The following METTL15 variants were observed in gnomAD, a reference collection of about 807,000 sequenced individuals.
METTL15 encodes 12S rRNA N(4)-cytidine methyltransferase METTL15.
METTL15 carries 34 observed loss-of-function variants against 38.3 expected under a neutral mutation model. The observed-to-expected ratio is 0.89, with a 90% confidence interval of 0.68 to 1.18. The LOEUF is 1.18. METTL15 is among the 50% of genes most tolerant of loss of function. The pLI is 0.00. For synonymous variants in METTL15, 162 were observed against 170.9 expected, an observed-to-expected ratio of 0.95 and a Z score of 0.41; for missense variants, 438 against 498.4, an observed-to-expected ratio of 0.88 and a Z score of 1.15.
intron 3 of METTL15, among the ~76,000 whole-genome samples, chr11:28,135,290 A>G (rs1424194235): frequency 1.3e-5 from 2 of 152,188 alleles, no homozygotes; most frequent in African/African-American, 2.4e-5. Flanking sequence ...TATTTTTCAC[A>G]TAGGCTTCTA....
Position 28,117,287 on chromosome 11 carries a change from A to G in METTL15, c.270+3683A>G, listed in dbSNP as rs113008700. 5.1e-3 allele frequency among the ~76,000 whole-genome samples: 728 copies of G among 141,650 alleles called. 18 individuals are homozygous for G. The East Asian group carries it at 0.059, about 11-fold the overall frequency. 92.9% of individuals were successfully genotyped at this position (141,650 alleles called of 152,430 possible). On this transcript the variant is annotated intron_variant, in intron 3 of 6. Coordinates refer to ENST00000407364, the MANE Select transcript of METTL15 (RefSeq NM_001113528.2). ...TATATATATATATATATATATATAT[A>G]TATATATATATATGAAAGGATAGGG...
At chr11:28,488,421 G>C (rs1217347209) in intron 6 of METTL15, among the ~76,000 whole-genome samples, 4 of 151,994 alleles carry the variant, frequency 2.6e-5, no homozygotes, top group Non-Finnish European at 5.9e-5. Context: ...AGAGTGTTGT[G>C]CTGTTTCCTG....
At chr11:28,350,132 G>C (rs1850028856) in intron 3 of METTL15, among the ~76,000 whole-genome samples, 1 of 152,030 alleles carries the variant, frequency 6.6e-6, no homozygotes. Context: ...TATATGCTAT[G>C]TGCTCTAGGG....
intron 6 of METTL15, among the ~76,000 whole-genome samples, chr11:28,301,735 A>T (rs1309015224): frequency 1.3e-5 from 2 of 152,136 alleles, no homozygotes; most frequent in Non-Finnish European, 2.9e-5. Context: ...CTATAGAAAA[A>T]TGTTAAATAA....
At chr11:28,262,626 C>G (rs1171717571) in intron 4 of METTL15, among the ~76,000 whole-genome samples, 3 of 152,022 alleles carry the variant, frequency 2.0e-5, no homozygotes, top group African/African-American at 7.2e-5. Flanking sequence ...TTCTCACTTT[C>G]TAGGTTAATC....
At chr11:28,393,688 G>A (rs1850536369) in intron 5 of METTL15, among the ~76,000 whole-genome samples, 1 of 152,078 alleles carries the variant, frequency 6.6e-6, no homozygotes. Flanking sequence ...CAAGGCAGAA[G>A]CCATAATGCC....
chr11:28,197,774 A>G (rs928823449), intron 3 of METTL15, among the ~76,000 whole-genome samples: 6 of 152,106 alleles, frequency 3.9e-5, no homozygotes, highest in Non-Finnish European at 8.8e-5. Context: ...GTATGTATTG[A>G]TCTGCTTTGA....
At chr11:28,202,804 C>T (rs990679762) in intron 3 of METTL15, among the ~76,000 whole-genome samples, 4 of 152,020 alleles carry the variant, frequency 2.6e-5, no homozygotes, top group Non-Finnish European at 5.9e-5. Context: ...TGTTTCCAAA[C>T]TAAGATGGGA....
At chr11:28,221,672 A>G (rs937499605) in intron 4 of METTL15, among the ~76,000 whole-genome samples, 2 of 151,836 alleles carry the variant, frequency 1.3e-5, no homozygotes, top group African/African-American at 2.4e-5. Flanking sequence ...TTTTTTCCCC[A>G]TCTTTATGGT....
At chr11:28,397,504 G>A (rs541287315) in intron 5 of METTL15, among the ~76,000 whole-genome samples, 2,199 of 152,166 alleles carry the variant, frequency 0.014, 27 homozygotes, top group African/African-American at 0.04. Context: ...ATCATCACTG[G>A]CCATCAGAGA....
chr11:28,332,957 A>G lies in METTL15; in HGVS notation c.*2116A>G, dbSNP rs1849858042. Reference sequence around the variant, plus strand: ...GTCTCAAAAAAAAAAAAAAAAAGGAAGAAAGAGAAGATAGAGACACAGGGG... The same window carrying G: ...GTCTCAAAAAAAAAAAAAAAAAGGAGGAAAGAGAAGATAGAGACACAGGGG... On this transcript the variant is annotated 3_prime_UTR_variant, in exon 7 of 7. Transcript: ENST00000407364. 7.7e-6 allele frequency: 1 copy of G among 130,670 alleles called. No homozygotes were observed. 8.1% of individuals were successfully genotyped at this position (130,670 alleles called of 1,614,324 possible).
chr11:28,507,142 C>T (rs1851634795), intron 6 of METTL15, among the ~76,000 whole-genome samples: 1 of 152,150 alleles, frequency 6.6e-6, no homozygotes, highest in Non-Finnish European at 1.5e-5. Context: ...GACCTTACCA[C>T]TTGTAATAGT....
intron 3 of METTL15, among the ~76,000 whole-genome samples, chr11:28,196,217 G>T (rs530688241): frequency 4.6e-5 from 7 of 151,920 alleles, no homozygotes; most frequent in Non-Finnish European, 1.0e-4. Flanking sequence ...TTTTAGGATT[G>T]TTTTTTCTAA....
At position 28,408,337 on chromosome 11, in the gene METTL15, C is replaced by A. The variant is rs748500322; in HGVS notation, c.*359-15962C>A. Among the ~76,000 whole-genome samples, 7 of 151,784 alleles carry A rather than the reference C, an allele frequency of 4.6e-5. No homozygotes were observed. In the South Asian group the frequency reaches 1.2e-3, roughly 27 times the overall value. On this transcript the variant is annotated intron_variant and NMD_transcript_variant, in intron 5 of 7. Transcript: ENST00000532947. ...AAATATAATTACATCACATTAAAAACAACAACAACAACAACAACAAGAAAA... is the reference window on the plus strand; with the variant it reads ...AAATATAATTACATCACATTAAAAAAAACAACAACAACAACAACAAGAAAA...
chr11:28,468,084 T>G (rs1018658199), intron 6 of METTL15, among the ~76,000 whole-genome samples: 1 of 152,166 alleles, frequency 6.6e-6, no homozygotes, highest in Non-Finnish European at 1.5e-5. Context: ...TTTGTTCCAA[T>G]GCTGCTGACA....
chr11:28,423,984 T>C (rs1850843430), intron 5 of METTL15, among the ~76,000 whole-genome samples: 1 of 152,136 alleles, frequency 6.6e-6, no homozygotes, highest in South Asian at 2.1e-4. Flanking sequence ...ATACTCCTAT[T>C]ATGTACTCAT....
At chr11:28,262,093 A>C (rs936069453) in intron 4 of METTL15, among the ~76,000 whole-genome samples, 1 of 152,186 alleles carries the variant, frequency 6.6e-6, no homozygotes, top group Admixed American at 6.5e-5. Context: ...GCAGGCCATA[A>C]GAGAGCAGAT....
chr11:28,516,499 A>G (rs1411929159), intron 6 of METTL15, among the ~76,000 whole-genome samples: 1 of 152,176 alleles, frequency 6.6e-6, no homozygotes, highest in Non-Finnish European at 1.5e-5. Flanking sequence ...AGGTCTTTGT[A>G]ATTTAAATTA....
intron 3 of METTL15, among the ~76,000 whole-genome samples, chr11:28,128,974 G>GCA (rs1852622679): frequency 6.6e-6 from 1 of 151,962 alleles, no homozygotes; most frequent in South Asian, 2.1e-4. Flanking sequence ...TCAGACTGGG[G>GCA]GATCCTTTTA....
Sources: allele counts gnomAD v4.1 joint callset (sites outside exome capture counted in the v4.1 genomes callset), GRCh38; gene constraint gnomAD v4.1.1; transcripts MANE v1.5; gene names NCBI Gene and HGNC (gene_info 2026-07-23, HGNC 2026-07-21).